ELP4: variants seen among roughly 807,000 people sequenced by gnomAD.
ELP4 encodes the protein elongator complex protein 4.
Under a neutral mutation model 48.9 loss-of-function variants are expected in ELP4, and 51 were observed. The ratio of observed to expected loss-of-function variants is 1.04; its 90% CI spans 0.83 to 1.32. The LOEUF (loss-of-function observed/expected upper bound fraction) is 1.32. ELP4 is among the 40% of genes most tolerant of loss of function. The pLI is 0.00. For missense variants in ELP4, 519 were observed against 514.6 expected, an observed-to-expected ratio of 1.01 and a Z score of -0.08; for synonymous variants, 210 against 189.2, an observed-to-expected ratio of 1.11 and a Z score of -0.90.
chr11:31,642,706 A>G (rs1945124575), intron 7 of ELP4, among the ~76,000 whole-genome samples: 1 of 151,822 alleles, frequency 6.6e-6, no homozygotes, highest in South Asian at 2.1e-4. Context: ...TTAATCTAAT[A>G]CCGTCATCAG....
chr11:31,745,397 G>T (rs1364206484), intron 9 of ELP4, among the ~76,000 whole-genome samples: 1 of 152,068 alleles, frequency 6.6e-6, no homozygotes, highest in Non-Finnish European at 1.5e-5. Flanking sequence ...CTACTTTACA[G>T]TTCATGTGGA....
intron 2 of ELP4, among the ~76,000 whole-genome samples, chr11:31,532,770 GTT>G (rs1166501622): frequency 3.2e-5 from 4 of 123,512 alleles, no homozygotes; most frequent in East Asian, 2.3e-4. Context: ...TTTTTTGTTG[GTT>G]TTTTTTTTTT....
chr11:31,715,290 G>A (rs1365345371), intron 9 of ELP4, among the ~76,000 whole-genome samples: 1 of 152,020 alleles, frequency 6.6e-6, no homozygotes, highest in African/African-American at 2.4e-5. Context: ...TTCAAAGAAG[G>A]GAATAAGAAG....
chr11:31,723,304 G>A (rs1947006878), intron 9 of ELP4, among the ~76,000 whole-genome samples: 1 of 152,086 alleles, frequency 6.6e-6, no homozygotes, highest in African/African-American at 2.4e-5. Context: ...AGAGGCCAGG[G>A]GACAGGGACT....
At chr11:31,709,820 A>C (rs1258949050) in intron 9 of ELP4, among the ~76,000 whole-genome samples, 2 of 152,232 alleles carry the variant, frequency 1.3e-5, no homozygotes, top group Non-Finnish European at 2.9e-5. Flanking sequence ...TAGCTTGGGA[A>C]GTAAGATTTA....
intron 2 of ELP4, among the ~76,000 whole-genome samples, chr11:31,539,198 C>T (rs1261962249): frequency 1.3e-5 from 2 of 152,192 alleles, no homozygotes; most frequent in African/African-American, 2.4e-5. Flanking sequence ...GGCGCGGTGG[C>T]TTACGCCTGT....
chr11:31,779,121 C>G (rs1000955923), intron 9 of ELP4, among the ~76,000 whole-genome samples: 1 of 152,160 alleles, frequency 6.6e-6, no homozygotes, highest in African/African-American at 2.4e-5. Flanking sequence ...CAAATTGTGA[C>G]TTTTCAGGAA....
chr11:31,524,716 TCATC>T (rs1956271420), intron 2 of ELP4, among the ~76,000 whole-genome samples: 1 of 152,238 alleles, frequency 6.6e-6, no homozygotes, highest in Non-Finnish European at 1.5e-5. Flanking sequence ...TTCTTGTCAG[TCATC>T]TTCAACCTTT....
chr11:31,633,445 A>T (rs1031992418), intron 7 of ELP4: 2 of 151,976 alleles, frequency 1.3e-5, no homozygotes, highest in African/African-American at 4.8e-5. Context: ...ATTTTAAAAG[A>T]AGTGAATTTG....
chr11:31,649,168 G>A (rs894978582), intron 8 of ELP4: 1 of 151,606 alleles, frequency 6.6e-6, no homozygotes, highest in Non-Finnish European at 1.5e-5. Context: ...TTTAAGCTAA[G>A]ACTAATAGAT....
chr11:31,555,273 CG>C (rs1956912644), intron 3 of ELP4, among the ~76,000 whole-genome samples: 4 of 151,890 alleles, frequency 2.6e-5, no homozygotes, highest in Admixed American at 2.6e-4. Flanking sequence ...TGTGACAGTT[CG>C]TTAAGTTATT....
At chr11:31,551,029 AG>A (rs1313794263) in intron 3 of ELP4, among the ~76,000 whole-genome samples, 1 of 152,160 alleles carries the variant, frequency 6.6e-6, no homozygotes, top group Non-Finnish European at 1.5e-5. Flanking sequence ...GAAATCCTTC[AG>A]GATTATGATC....
At position 31,717,322 on chromosome 11, in the gene ELP4, G is replaced by A. The variant is rs551918006; in HGVS notation, c.1144-66071G>A. On this transcript the variant is annotated intron_variant, in intron 9 of 9. Transcript: ENST00000640961. ...CACATTAGCAGTAACTGTGACTGTC[G>A]TCAACAGAAATCATAGACTTTTTCA... is the stretch of plus-strand genomic sequence containing the variant. 1.3e-3 allele frequency among the ~76,000 whole-genome samples: 201 copies of A among 152,256 alleles called. 1 individual carries two copies. The highest frequency in any genetic ancestry group is 4.2e-3 in the African/African-American group (175 of 41,540).
chr11:31,583,797 G>A (rs1265429737), intron 3 of ELP4, among the ~76,000 whole-genome samples: 1 of 152,144 alleles, frequency 6.6e-6, no homozygotes, highest in Non-Finnish European at 1.5e-5. Flanking sequence ...TTCTAGAACT[G>A]ACCAACAGAA....
chr11:31,697,224 C>T (rs1188848793), intron 9 of ELP4, among the ~76,000 whole-genome samples: 1 of 152,126 alleles, frequency 6.6e-6, no homozygotes, highest in Non-Finnish European at 1.5e-5. Flanking sequence ...TCTTATTGAG[C>T]AGCTGCTGAC....
intron 9 of ELP4, among the ~76,000 whole-genome samples, chr11:31,775,740 G>A (rs1057413743): frequency 2.6e-5 from 4 of 152,082 alleles, no homozygotes; most frequent in Non-Finnish European, 5.9e-5. Context: ...GCTGAGATGG[G>A]CGGATCATGA....
rs1424618800 is a variant in ELP4 at position 31,622,969 on chromosome 11, TTA to T, written c.654-4139_654-4138del. Among the ~76,000 whole-genome samples, 19 of 151,672 alleles carry T rather than the reference TTA, an allele frequency of 1.3e-4. No individual in the cohort carries two copies. In the Middle Eastern group the frequency reaches 0.01, roughly 81 times the overall value. On this transcript the variant is annotated intron_variant, in intron 5 of 9. Transcript: ENST00000640961. ...AAAAGTAAAGTTCTAGTAATTGTCTTTATGTTCTTTGTATAGCTAATAGTTTT... is the reference window on the plus strand; with the variant it reads ...AAAAGTAAAGTTCTAGTAATTGTCTTTGTTCTTTGTATAGCTAATAGTTTT...
chr11:31,581,532 A>G (rs1957392420), intron 3 of ELP4, among the ~76,000 whole-genome samples: 1 of 151,254 alleles, frequency 6.6e-6, no homozygotes, highest in South Asian at 2.1e-4. Flanking sequence ...GATGCCATTC[A>G]TGTTCCTGAC....
At position 31,568,517 on chromosome 11, in the gene ELP4, G is replaced by A. The variant is rs764103809; in HGVS notation, c.382-26253G>A. ...CAAAACAAGAGGCATCACATTACCC[G>A]ACCTCAAACTATACTACAAGGCTAC... is the stretch of plus-strand genomic sequence containing the variant. On this transcript the variant is annotated intron_variant, in intron 3 of 9. Transcript: ENST00000640961. Among the ~76,000 whole-genome samples the A allele has an allele frequency of 1.1e-4, 16 of 152,186 alleles. No individual in the cohort carries two copies. In the East Asian group the frequency reaches 1.5e-3, roughly 15 times the overall value.
Sources: gnomAD v4.1 joint callset for allele counts (sites outside exome capture counted in the v4.1 genomes callset) on GRCh38, gnomAD v4.1.1 for gene constraint, MANE v1.5 for transcripts, NCBI Gene and HGNC (gene_info 2026-07-23, HGNC 2026-07-21) for gene names.